The following NCOA2 variants were observed in gnomAD, a reference collection of about 807,000 sequenced individuals.
The protein encoded by NCOA2 is nuclear receptor coactivator 2.
NCOA2 carries 21 observed loss-of-function variants against 145.1 expected under a neutral mutation model. The observed-to-expected ratio is 0.14, with a 90% confidence interval of 0.10 to 0.21. The LOEUF is 0.21. Ranked by LOEUF, NCOA2 falls within the 10% of genes least tolerant of loss-of-function variation. The pLI, the probability that NCOA2 is intolerant of heterozygous loss-of-function variation, is 1.00. For synonymous variants in NCOA2, 619 were observed against 637.5 expected, an observed-to-expected ratio of 0.97 and a Z score of 0.44; for missense variants, 1,472 against 1,837.6, an observed-to-expected ratio of 0.80 and a Z score of 3.64.
At chr8:70,336,977 T>C (rs924484531) in intron 1 of NCOA2, among the ~76,000 whole-genome samples, 1 of 152,080 alleles carries the variant, frequency 6.6e-6, no homozygotes, top group South Asian at 2.1e-4. Flanking sequence ...AAAAAAGTCA[T>C]CTTCCAAAAT....
At chr8:70,126,662 A>C in intron 19 of NCOA2, 151 bp downstream of exon 19, 1 of 694,628 alleles carries the variant, frequency 1.4e-6, no homozygotes, top group Admixed American at 2.4e-5. Context: ...CACAGGCCCC[A>C]ACTGTCCTCC....
rs545189457 is a variant in NCOA2, at chr8:70,155,208, ATCTT to A, written c.2394+759_2394+762del. Among the ~76,000 whole-genome samples the A allele has an allele frequency of 1.1e-4, 16 of 152,304 alleles. No individual in the cohort carries two copies. In the South Asian group the frequency reaches 3.1e-3, roughly 30 times the overall value. On this transcript the variant is annotated intron_variant, in intron 11 of 22. Transcript: ENST00000452400. ...GCTCAGACGTACTAATATCAGTTCAATCTTTCTTTCTCCTTTCTACTATCCCTTT... is the reference window on the plus strand; with the variant it reads ...GCTCAGACGTACTAATATCAGTTCAATCTTTCTCCTTTCTACTATCCCTTT...
At chr8:70,238,720 T>C (rs1300935295) in intron 2 of NCOA2, among the ~76,000 whole-genome samples, 4 of 152,172 alleles carry the variant, frequency 2.6e-5, no homozygotes, top group Admixed American at 2.0e-4. Context: ...CTTCCTTGAG[T>C]TATGTCACTG....
chr8:70,308,473 A>C (rs894794452), intron 1 of NCOA2, among the ~76,000 whole-genome samples: 1 of 152,082 alleles, frequency 6.6e-6, no homozygotes, highest in African/African-American at 2.4e-5. Flanking sequence ...TTATACATAC[A>C]CATATATGTG....
At chr8:70,299,548 A>G (rs1209236888) in intron 1 of NCOA2, among the ~76,000 whole-genome samples, 1 of 152,244 alleles carries the variant, frequency 6.6e-6, no homozygotes, top group Admixed American at 6.5e-5. Flanking sequence ...TCACCATGAG[A>G]TATACAATAA....
chr8:70,439,409 T>C, the NCOA2 span, among the ~76,000 whole-genome samples: 1 of 152,150 alleles, frequency 6.6e-6, no homozygotes, highest in Non-Finnish European at 1.5e-5. Flanking sequence ...GAGGTGACCC[T>C]TGAGCTGAGT....
intron 1 of NCOA2, among the ~76,000 whole-genome samples, chr8:70,387,853 C>T (rs1812812559): frequency 6.6e-6 from 1 of 152,148 alleles, no homozygotes; most frequent in Admixed American, 6.5e-5. Context: ...CAAGCAGGTA[C>T]AAGGAGAGTC....
intron 10 of NCOA2, among the ~76,000 whole-genome samples, chr8:70,157,660 C>T (rs1812438179): frequency 6.6e-6 from 1 of 152,186 alleles, no homozygotes; most frequent in Non-Finnish European, 1.5e-5. Flanking sequence ...ATAGACACAT[C>T]TGTAAGCCCA....
At chr8:70,324,291 T>A (rs1401110352) in intron 1 of NCOA2, among the ~76,000 whole-genome samples, 1 of 152,172 alleles carries the variant, frequency 6.6e-6, no homozygotes, top group Non-Finnish European at 1.5e-5. Context: ...ACTCATCAAG[T>A]ACCAGGTGCC....
At chr8:70,146,774 C>T (rs1213500493) in intron 12 of NCOA2, among the ~76,000 whole-genome samples, 7 of 152,106 alleles carry the variant, frequency 4.6e-5, no homozygotes, top group African/African-American at 1.7e-4. Flanking sequence ...CAGCTCACTG[C>T]AACCTCCACC....
intron 4 of NCOA2, among the ~76,000 whole-genome samples, chr8:70,179,088 G>A (rs1385542860): frequency 4.6e-5 from 7 of 152,092 alleles, no homozygotes; most frequent in Non-Finnish European, 1.0e-4. Flanking sequence ...AAGAGAATGA[G>A]AAATTTTTAT....
chr8:70,346,968 T>G (rs1808713209), intron 1 of NCOA2, among the ~76,000 whole-genome samples: 1 of 152,232 alleles, frequency 6.6e-6, no homozygotes, highest in Admixed American at 6.5e-5. Context: ...ATATCATCAA[T>G]GTAAAATATA....
intron 2 of NCOA2, among the ~76,000 whole-genome samples, chr8:70,265,493 G>A (rs1824493620): frequency 6.6e-6 from 1 of 152,200 alleles, no homozygotes; most frequent in African/African-American, 2.4e-5. Flanking sequence ...TCCAGATTAA[G>A]TGAATGACAT....
At chr8:70,237,657 A>G (rs1821750970) in intron 2 of NCOA2, among the ~76,000 whole-genome samples, 1 of 151,946 alleles carries the variant, frequency 6.6e-6, no homozygotes, top group Admixed American at 6.6e-5. Flanking sequence ...GTAGTTCCAC[A>G]AACCAGGGAG....
chr8:70,282,556 C>T (rs952917973), intron 2 of NCOA2, among the ~76,000 whole-genome samples: 8 of 152,000 alleles, frequency 5.3e-5, no homozygotes, highest in Non-Finnish European at 5.9e-5. Flanking sequence ...GGCATTGTGG[C>T]GCACGCCTGT....
At position 70,111,789 on chromosome 8, in the gene NCOA2, A is replaced by G. The variant is rs1250572288; in HGVS notation, c.*1843T>C. ...GTTTGTACATTTTTCACCCTGCCACAAATAAACAAACAATCAAATTTCAAG... is the reference window on the plus strand; with the variant it reads ...GTTTGTACATTTTTCACCCTGCCACGAATAAACAAACAATCAAATTTCAAG... On this transcript the variant is annotated 3_prime_UTR_variant, in exon 23 of 23. Transcript: ENST00000452400. 4.6e-6 allele frequency: 1 copy of G among 219,400 alleles called. No homozygotes were observed. Among genetic ancestry groups the G allele is most frequent in the East Asian group, 6.8e-5 (1 of 14,796 alleles). 13.6% of individuals were successfully genotyped at this position (219,400 alleles called of 1,614,324 possible). A position where few individuals can be genotyped will look rare whatever the true frequency, so the allele number is the denominator to read the frequency against.
intron 2 of NCOA2, among the ~76,000 whole-genome samples, chr8:70,291,053 C>A (rs1331289989): frequency 6.6e-6 from 1 of 152,206 alleles, no homozygotes; most frequent in African/African-American, 2.4e-5. Context: ...ATGTGAAATT[C>A]TACTTGTCAC....
the NCOA2 span, among the ~76,000 whole-genome samples, chr8:70,415,749 T>C: frequency 1.3e-5 from 2 of 152,176 alleles, no homozygotes; most frequent in Non-Finnish European, 2.9e-5. Flanking sequence ...GAGACCTAAG[T>C]GTATTTTATC....
intron 19 of NCOA2, among the ~76,000 whole-genome samples, chr8:70,126,123 A>G (rs1410678288): frequency 6.6e-6 from 1 of 152,212 alleles, no homozygotes; most frequent in Non-Finnish European, 1.5e-5. Context: ...AGGGTAGGGA[A>G]AGTCATTTTT....
Sources: gnomAD v4.1 joint callset for allele counts (sites outside exome capture counted in the v4.1 genomes callset) on GRCh38, gnomAD v4.1.1 for gene constraint, MANE v1.5 for transcripts, NCBI Gene and HGNC (gene_info 2026-07-23, HGNC 2026-07-21) for gene names.